The following EPHA6 variants were observed in gnomAD, a reference collection of about 807,000 sequenced individuals.
EPHA6 encodes ephrin type-A receptor 6.
In EPHA6, 50 loss-of-function variants were observed where a neutral mutation model predicts 112.0. The observed-to-expected ratio is 0.45, with a 90% CI of 0.36 to 0.56. The LOEUF (loss-of-function observed/expected upper bound fraction) is 0.56. EPHA6 is among the 20% of genes least tolerant of loss of function. The probability of loss-of-function intolerance (pLI) is 0.00; values close to 1 mark genes in which losing one functional copy is unlikely to be tolerated. For missense variants in EPHA6, 1,280 were observed against 1,417.4 expected (o/e 0.90, Z 1.56); for synonymous variants, 529 against 490.7 (o/e 1.08, Z -1.03).
intron 2 of EPHA6, among the ~76,000 whole-genome samples, chr3:96,886,360 G>C (rs143444474): frequency 1.2e-3 from 190 of 152,266 alleles, no homozygotes; most frequent in Admixed American, 4.2e-3. Flanking sequence ...GAGCTCTAGT[G>C]TTAGGTGTGT....
At chr3:97,398,671 C>T (rs1215237907) in intron 5 of EPHA6, among the ~76,000 whole-genome samples, 1 of 151,368 alleles carries the variant, frequency 6.6e-6, no homozygotes, top group African/African-American at 2.4e-5. Context: ...TCTTTTGAAT[C>T]ACTAAATTGT....
chr3:96,823,666 A>C (rs887210297), intron 1 of EPHA6, among the ~76,000 whole-genome samples: 1 of 151,984 alleles, frequency 6.6e-6, no homozygotes, highest in East Asian at 1.9e-4. Flanking sequence ...TTTTTGAAAT[A>C]AAATGAAATC....
At chr3:97,017,617 A>G (rs1473862408) in intron 3 of EPHA6, among the ~76,000 whole-genome samples, 1 of 152,182 alleles carries the variant, frequency 6.6e-6, no homozygotes, top group East Asian at 1.9e-4. Flanking sequence ...TGACCTACAC[A>G]GACACCATTT....
At chr3:97,550,503 G>A (rs1445257004) in intron 11 of EPHA6, among the ~76,000 whole-genome samples, 1 of 152,148 alleles carries the variant, frequency 6.6e-6, no homozygotes, top group African/African-American at 2.4e-5. Context: ...ATGAATCAAG[G>A]AGTTAATAGC....
chr3:97,440,375 T>G (rs541217775), intron 6 of EPHA6, among the ~76,000 whole-genome samples: 17 of 152,082 alleles, frequency 1.1e-4, no homozygotes, highest in Non-Finnish European at 2.4e-4. Context: ...TTCTAAAGAG[T>G]TTGATTTCCT....
chr3:97,483,889 T>A (rs1181871101), intron 9 of EPHA6, 45 bp from the exon 10 acceptor site: 1 of 1,562,502 alleles, frequency 6.4e-7, no homozygotes, highest in East Asian at 2.3e-5. Context: ...TATAGACCAC[T>A]GAGATACTCA....
At chr3:97,271,871 C>G (rs1226597984) in intron 5 of EPHA6, among the ~76,000 whole-genome samples, 1 of 151,992 alleles carries the variant, frequency 6.6e-6, no homozygotes, top group African/African-American at 2.4e-5. Context: ...GAAATGATTA[C>G]TACAGTTTAA....
chr3:97,053,882 C>T (rs2045765897), intron 3 of EPHA6, among the ~76,000 whole-genome samples: 1 of 152,012 alleles, frequency 6.6e-6, no homozygotes, highest in South Asian at 2.1e-4. Flanking sequence ...GTATCTCTAT[C>T]TTAGAGAAAC....
intron 15 of EPHA6, among the ~76,000 whole-genome samples, chr3:97,722,606 A>G (rs2034578184): frequency 2.0e-5 from 3 of 152,124 alleles, no homozygotes; most frequent in African/African-American, 7.2e-5. Flanking sequence ...CATGGAGCTT[A>G]CTTTCTAATG....
chr3:97,109,138 G>T (rs114469388), intron 3 of EPHA6, among the ~76,000 whole-genome samples: 2,041 of 152,202 alleles, frequency 0.013, 22 homozygotes, highest in Middle Eastern at 0.041. Flanking sequence ...TATTTGATTC[G>T]GGTTATAAAT....
At chr3:96,921,694 A>G (rs527274059) in intron 2 of EPHA6, among the ~76,000 whole-genome samples, 25 of 151,758 alleles carry the variant, frequency 1.6e-4, no homozygotes, top group Non-Finnish European at 3.1e-4. Flanking sequence ...CAGCCTCCCA[A>G]CTAGCTGGTA....
At chr3:97,592,878 C>A (rs1189057151) in intron 12 of EPHA6, 141 bp downstream of exon 12, 3 of 1,041,434 alleles carry the variant, frequency 2.9e-6, no homozygotes, top group Non-Finnish European at 3.9e-6. Flanking sequence ...AATTCAGAAA[C>A]CATATTTATA....
chr3:97,740,328 C>T (rs1192356905), intron 16 of EPHA6, among the ~76,000 whole-genome samples: 1 of 152,110 alleles, frequency 6.6e-6, no homozygotes, highest in Non-Finnish European at 1.5e-5. Flanking sequence ...ATCCCTGCTC[C>T]AGGTCCCCAG....
At chr3:97,330,659 A>G (rs952405870) in intron 5 of EPHA6, among the ~76,000 whole-genome samples, 1 of 152,122 alleles carries the variant, frequency 6.6e-6, no homozygotes, top group Non-Finnish European at 1.5e-5. Flanking sequence ...AGGCTATTAC[A>G]TAATGGTAAA....
chr3:96,912,585 A>G (rs1460318298), intron 2 of EPHA6, among the ~76,000 whole-genome samples: 2 of 152,068 alleles, frequency 1.3e-5, no homozygotes, highest in Non-Finnish European at 2.9e-5. Context: ...AAAGGCACAG[A>G]TGTTTTATTT....
chr3:97,495,521 C>A (rs1057291820), intron 10 of EPHA6, among the ~76,000 whole-genome samples: 28 of 151,804 alleles, frequency 1.8e-4, no homozygotes, highest in Admixed American at 5.3e-4. Flanking sequence ...ACATTATGTA[C>A]TTTTCATATT....
intron 14 of EPHA6, among the ~76,000 whole-genome samples, chr3:97,685,028 C>T (rs1344781779): frequency 6.6e-6 from 1 of 152,016 alleles, no homozygotes; most frequent in Non-Finnish European, 1.5e-5. Context: ...AAATCTATAA[C>T]AATAGTGCTA....
At chr3:96,821,952 A>G (rs1274893034) in intron 1 of EPHA6, among the ~76,000 whole-genome samples, 1 of 151,748 alleles carries the variant, frequency 6.6e-6, no homozygotes, top group Non-Finnish European at 1.5e-5. Context: ...TTATTTTTCA[A>G]TTACTTGGTG....
intron 6 of EPHA6, among the ~76,000 whole-genome samples, chr3:97,443,436 C>A (rs139231423): frequency 1.3e-5 from 2 of 150,886 alleles, no homozygotes; most frequent in East Asian, 3.9e-4. Flanking sequence ...CCTGCACTTG[C>A]ACCTATATTT....
Sources: gnomAD v4.1 joint callset for allele counts (sites outside exome capture counted in the v4.1 genomes callset) on GRCh38, gnomAD v4.1.1 for gene constraint, MANE v1.5 for transcripts, NCBI Gene and HGNC (gene_info 2026-07-23, HGNC 2026-07-21) for gene names.